Variants in SYNE1 observed in about 807,000 individuals in gnomAD.
The protein encoded by SYNE1 is spectrin repeat containing nuclear envelope protein 1.
A neutral mutation model predicts 1,111.0 loss-of-function variants in SYNE1; 616 were observed. That is an observed-to-expected ratio of 0.55 (90% CI 0.52 to 0.59). The LOEUF (loss-of-function observed/expected upper bound fraction) is 0.59. Among genes scored for constraint, SYNE1 ranks in the 20% least tolerant of loss-of-function variants. The pLI is 0.00. For synonymous variants in SYNE1, 3,855 were observed against 3,825.8 expected, an observed-to-expected ratio of 1.01 and a Z score of -0.28; for missense variants, 10,006 against 10,417.0, an observed-to-expected ratio of 0.96 and a Z score of 1.72.
intron 14 of SYNE1, among the ~76,000 whole-genome samples, chr6:152,477,373 G>A (rs1431982314): frequency 1.3e-5 from 2 of 152,126 alleles, no homozygotes; most frequent in African/African-American, 4.8e-5. Context: ...TGGATGAAGA[G>A]GGGACCTTTT....
chr6:152,138,371 C>T (rs2057572179), intron 140 of SYNE1, among the ~76,000 whole-genome samples: 1 of 152,028 alleles, frequency 6.6e-6, no homozygotes, highest in South Asian at 2.1e-4. Context: ...AATAGCCGGG[C>T]ATGGTGGTGC....
intron 98 of SYNE1, among the ~76,000 whole-genome samples, chr6:152,276,262 C>T (rs1029755094): frequency 1.4e-4 from 21 of 151,958 alleles, no homozygotes; most frequent in South Asian, 1.2e-3. Flanking sequence ...CTCAAACTCC[C>T]GACCTCAGGT....
At chr6:152,263,825 A>G (rs2092374858) in intron 100 of SYNE1, among the ~76,000 whole-genome samples, 1 of 152,136 alleles carries the variant, frequency 6.6e-6, no homozygotes. Flanking sequence ...TGAAGATAGT[A>G]TCTACCTTGC....
At chr6:152,432,944 G>A (rs990401010) in intron 34 of SYNE1, among the ~76,000 whole-genome samples, 16 of 152,022 alleles carry the variant, frequency 1.1e-4, no homozygotes, top group Admixed American at 4.6e-4. Context: ...TCTGCACAGC[G>A]GGTAATCTTA....
At chr6:152,412,851 A>ATTTTTTTTTT (rs373723820) in intron 42 of SYNE1, among the ~76,000 whole-genome samples, 1,558 of 131,266 alleles carry the variant, frequency 0.012, 2 homozygotes, top group East Asian at 0.042. Context: ...TTCACATGTA[A>ATTTTTTTTTT]TTTTTTTTTT....
At chr6:152,465,124 C>T in intron 18 of SYNE1, 134 bp downstream of exon 18, 1 of 997,154 alleles carries the variant, frequency 1.0e-6, no homozygotes, top group Admixed American at 2.0e-5. Flanking sequence ...CCTGAAAGTG[C>T]AACTTTTCAG....
intron 73 of SYNE1, among the ~76,000 whole-genome samples, chr6:152,344,456 G>A (rs926856076): frequency 1.3e-5 from 2 of 152,138 alleles, no homozygotes; most frequent in African/African-American, 4.8e-5. Context: ...GTAATATCCG[G>A]ATTAGGGGAA....
At chr6:152,306,355 G>A (rs535986512) in intron 91 of SYNE1, among the ~76,000 whole-genome samples, 15 of 151,908 alleles carry the variant, frequency 9.9e-5, no homozygotes, top group African/African-American at 3.6e-4. Context: ...GCATGGTGAT[G>A]TGCGCCTGTA....
intron 3 of SYNE1, among the ~76,000 whole-genome samples, chr6:152,572,117 G>A (rs818441): frequency 0.3 from 45,640 of 152,002 alleles, 7,970 homozygotes; most frequent in Non-Finnish European, 0.4. Context: ...TTTGCATAAT[G>A]CCTACATCTT....
chr6:152,275,270 C>T (rs1036456547), intron 98 of SYNE1, among the ~76,000 whole-genome samples: 4 of 151,824 alleles, frequency 2.6e-5, no homozygotes, highest in Non-Finnish European at 5.9e-5. Flanking sequence ...AAGGTTTTCC[C>T]TATCCTAAGA....
At chr6:152,163,433 A>G (rs1216635028) in intron 131 of SYNE1, among the ~76,000 whole-genome samples, 1 of 144,020 alleles carries the variant, frequency 6.9e-6, no homozygotes, top group Non-Finnish European at 1.5e-5. Flanking sequence ...TGGGAAGTGG[A>G]GGTTGCAGTG....
chr6:152,489,537 C>A (rs939319326), intron 11 of SYNE1, among the ~76,000 whole-genome samples: 1 of 149,198 alleles, frequency 6.7e-6, no homozygotes, highest in East Asian at 2.0e-4. Flanking sequence ...TCATCACGGA[C>A]CCTTTCAATT....
chr6:152,368,552 CTG>C (rs2097124501), intron 61 of SYNE1: 1 of 166,920 alleles, frequency 6.0e-6, no homozygotes, highest in South Asian at 1.5e-4. Context: ...AAAATTTAAA[CTG>C]TTTAGAATCC....
At position 152,213,811 on chromosome 6, in the gene SYNE1, T is replaced by A. The variant is rs684807; in HGVS notation, c.22347-52A>T. On this transcript the variant is annotated intron_variant, in intron 122 of 145. Coordinates refer to ENST00000367255, the MANE Select transcript of SYNE1 (RefSeq NM_182961.4). Reference sequence around the variant, plus strand: ...TGGTTATTTCACTGCTTATTCTTACTTCTCTAGCATATAAAACTAGATTAA... The same window carrying A: ...TGGTTATTTCACTGCTTATTCTTACATCTCTAGCATATAAAACTAGATTAA... 0.99 allele frequency: 1,595,811 copies of A among 1,611,992 alleles called. 789,913 individuals carry two copies. The highest frequency in any genetic ancestry group is 1 in the East Asian group (44,772 of 44,772).
At chr6:152,411,229 C>G (rs1180395501) in intron 42 of SYNE1, among the ~76,000 whole-genome samples, 1 of 152,160 alleles carries the variant, frequency 6.6e-6, no homozygotes, top group African/African-American at 2.4e-5. Context: ...CTGTATATGT[C>G]TGGGTCTATT....
At chr6:152,443,489 C>T (rs1269366784) in intron 30 of SYNE1, among the ~76,000 whole-genome samples, 3 of 152,182 alleles carry the variant, frequency 2.0e-5, no homozygotes, top group Admixed American at 6.5e-5. Context: ...TGGTCTCGAT[C>T]TGCTGACCTC....
chr6:152,498,827 A>G (rs1250785173), intron 10 of SYNE1, 35 bp from the exon 11 acceptor site: 2 of 1,246,970 alleles, frequency 1.6e-6, no homozygotes, highest in Non-Finnish European at 2.2e-6. Flanking sequence ...TAGAAATATA[A>G]TATAAATCAG....
At chr6:152,383,545 A>G (rs1257422024) in intron 55 of SYNE1, among the ~76,000 whole-genome samples, 1 of 152,094 alleles carries the variant, frequency 6.6e-6, no homozygotes, top group African/African-American at 2.4e-5. Context: ...TTAGAGCCTC[A>G]GTGGCATCAC....
chr6:152,547,871 T>C (rs1365482748), intron 3 of SYNE1, among the ~76,000 whole-genome samples: 1 of 152,188 alleles, frequency 6.6e-6, no homozygotes, highest in Non-Finnish European at 1.5e-5. Flanking sequence ...GGAGGAATAA[T>C]ATTCAATTGT....
Sources: allele counts gnomAD v4.1 joint callset (sites outside exome capture counted in the v4.1 genomes callset), GRCh38; gene constraint gnomAD v4.1.1; transcripts MANE v1.5; gene names NCBI Gene and HGNC (gene_info 2026-07-23, HGNC 2026-07-21).